PDE4B: variants seen among roughly 807,000 people sequenced by gnomAD.
The protein encoded by PDE4B is 3',5'-cyclic-AMP phosphodiesterase 4B.
A neutral mutation model predicts 82.2 loss-of-function variants in PDE4B; 20 were observed. The observed-to-expected ratio is 0.24, with a 90% CI of 0.17 to 0.35. The LOEUF is 0.35. Among genes scored for constraint, PDE4B ranks in the 10% least tolerant of loss-of-function variants. The pLI is 1.00. For missense variants in PDE4B, 655 were observed against 907.2 expected (o/e 0.72, Z 3.57); for synonymous variants, 320 against 318.9 (o/e 1.00, Z -0.04).
At chr1:66,068,253 C>T (rs1655970519) in intron 3 of PDE4B, among the ~76,000 whole-genome samples, 1 of 151,876 alleles carries the variant, frequency 6.6e-6, no homozygotes, top group African/African-American at 2.4e-5. Flanking sequence ...CAACTCAAAA[C>T]CAGCGAAGCT....
chr1:66,255,270 T>C (rs975402141), intron 4 of PDE4B, among the ~76,000 whole-genome samples: 3 of 152,016 alleles, frequency 2.0e-5, no homozygotes, highest in African/African-American at 7.2e-5. Flanking sequence ...TTTTTTTTAG[T>C]AGAGACAGGG....
At chr1:66,136,384 C>G (rs1042145684) in intron 3 of PDE4B, among the ~76,000 whole-genome samples, 1 of 152,008 alleles carries the variant, frequency 6.6e-6, no homozygotes, top group Admixed American at 6.6e-5. Context: ...CCTTTTTCTT[C>G]CCACCTTCAC....
chr1:66,070,423 T>C (rs938125993), intron 3 of PDE4B, among the ~76,000 whole-genome samples: 3 of 151,768 alleles, frequency 2.0e-5, no homozygotes, highest in African/African-American at 7.3e-5. Flanking sequence ...GAGGGAAAAG[T>C]AGATGGAGTG....
intron 7 of PDE4B, among the ~76,000 whole-genome samples, chr1:66,286,134 T>C (rs1197214889): frequency 6.6e-6 from 1 of 152,200 alleles, no homozygotes; most frequent in East Asian, 1.9e-4. Flanking sequence ...TGAGTCTCCA[T>C]AGAAGATGCC....
At chr1:66,155,574 G>T (rs186566303) in intron 3 of PDE4B, among the ~76,000 whole-genome samples, 1 of 151,550 alleles carries the variant, frequency 6.6e-6, no homozygotes, top group East Asian at 1.9e-4. Flanking sequence ...CCTATCATTT[G>T]TAACCACTAG....
intron 3 of PDE4B, among the ~76,000 whole-genome samples, chr1:66,017,447 T>C (rs1557500397): frequency 6.6e-6 from 1 of 152,236 alleles, no homozygotes; most frequent in Non-Finnish European, 1.5e-5. Context: ...TTATTTAGCA[T>C]TTCTATAAGC....
intron 3 of PDE4B, among the ~76,000 whole-genome samples, chr1:66,015,281 T>C (rs574045643): frequency 2.5e-4 from 38 of 152,230 alleles, no homozygotes; most frequent in Non-Finnish European, 4.0e-4. Context: ...GCCTAGAGAT[T>C]GTTTTGGCCT....
chr1:66,081,909 A>G (rs1570175617), intron 3 of PDE4B, among the ~76,000 whole-genome samples: 1 of 151,392 alleles, frequency 6.6e-6, no homozygotes, highest in Non-Finnish European at 1.5e-5. Flanking sequence ...CACTTTGCCC[A>G]TTAAAATAGC....
intron 7 of PDE4B, among the ~76,000 whole-genome samples, chr1:66,277,593 A>G (rs955672847): frequency 6.6e-6 from 1 of 152,074 alleles, no homozygotes; most frequent in African/African-American, 2.4e-5. Flanking sequence ...ATGGGGTTTC[A>G]CTATGTTAGC....
chr1:65,966,338 C>T (rs1314771103), intron 3 of PDE4B, among the ~76,000 whole-genome samples: 1 of 152,106 alleles, frequency 6.6e-6, no homozygotes, highest in African/African-American at 2.4e-5. Context: ...ATACAACTTA[C>T]AAGGTATGTG....
intron 1 of PDE4B, among the ~76,000 whole-genome samples, chr1:65,810,767 T>G (rs901158588): frequency 3.3e-5 from 5 of 152,158 alleles, no homozygotes; most frequent in Non-Finnish European, 7.4e-5. Context: ...AAAATTATTA[T>G]TAATATTTAC....
intron 3 of PDE4B, among the ~76,000 whole-genome samples, chr1:66,187,533 G>A (rs1647292841): frequency 6.6e-6 from 1 of 152,228 alleles, no homozygotes; most frequent in Admixed American, 6.5e-5. Flanking sequence ...TCTATTCAAA[G>A]ATTTAACTTC....
chr1:66,085,023 A>G (rs1656934627), intron 3 of PDE4B, among the ~76,000 whole-genome samples: 1 of 152,156 alleles, frequency 6.6e-6, no homozygotes, highest in African/African-American at 2.4e-5. Context: ...AGGATGCACC[A>G]AGTATCACGA....
intron 3 of PDE4B, among the ~76,000 whole-genome samples, chr1:65,941,187 A>G (rs1275626935): frequency 6.6e-6 from 1 of 152,028 alleles, no homozygotes; most frequent in Admixed American, 6.6e-5. Flanking sequence ...GTTCTGTCAC[A>G]GTCTTGCCAA....
intron 3 of PDE4B, among the ~76,000 whole-genome samples, chr1:66,053,910 A>T (rs1655169881): frequency 1.3e-5 from 2 of 152,148 alleles, no homozygotes; most frequent in South Asian, 4.1e-4. Context: ...CCTAAGTAGG[A>T]TGACCAACTA....
chr1:66,085,435 T>A (rs185513383), intron 3 of PDE4B, among the ~76,000 whole-genome samples: 1 of 152,122 alleles, frequency 6.6e-6, no homozygotes, highest in African/African-American at 2.4e-5. Flanking sequence ...GAGTTAAAAA[T>A]GGAATTTTTA....
At chr1:66,175,702 A>G (rs1646918691) in intron 3 of PDE4B, among the ~76,000 whole-genome samples, 1 of 152,224 alleles carries the variant, frequency 6.6e-6, no homozygotes, top group Admixed American at 6.5e-5. Flanking sequence ...GGTGAGGACA[A>G]TGTATGTAAC....
intron 8 of PDE4B, among the ~76,000 whole-genome samples, chr1:66,342,869 C>A (rs1295235161): frequency 1.3e-5 from 2 of 152,058 alleles, no homozygotes; most frequent in South Asian, 4.1e-4. Context: ...CACGGAGAAA[C>A]CCTGTCTCTA....
At position 66,198,671 on chromosome 1, in the gene PDE4B, A is replaced by G. The variant is rs1648557104; in HGVS notation, c.282-48789A>G. Among the ~76,000 whole-genome samples the G allele has an allele frequency of 4.6e-5, 7 of 152,302 alleles. No individual in the cohort carries two copies. The Middle Eastern group carries it at 0.014, about 296-fold the overall frequency. On this transcript the variant is annotated intron_variant, in intron 3 of 16. Transcript: ENST00000341517. ...CTTGTGCACAACGTGCAGGTTTGTT[A>G]CATATGTATACATGTGCCATGTCGG...
Sources: gnomAD v4.1 joint callset for allele counts (sites outside exome capture counted in the v4.1 genomes callset) on GRCh38, gnomAD v4.1.1 for gene constraint, MANE v1.5 for transcripts, NCBI Gene and HGNC (gene_info 2026-07-23, HGNC 2026-07-21) for gene names.